The following NUP155 variants were observed in gnomAD, a reference collection of about 807,000 sequenced individuals.
The protein encoded by NUP155 is nuclear pore complex protein Nup155.
In NUP155, 71 loss-of-function variants were observed where a neutral mutation model predicts 180.4. That is an observed-to-expected ratio of 0.39 (90% confidence interval 0.33 to 0.48). NUP155 has a LOEUF of 0.48. Among genes scored for constraint, NUP155 ranks in the 20% least tolerant of loss-of-function variants. The pLI, the probability that NUP155 is intolerant of heterozygous loss-of-function variation, is 0.91. For synonymous variants in NUP155, 582 were observed against 559.5 expected, an observed-to-expected ratio of 1.04 and a Z score of -0.57; for missense variants, 1,553 against 1,648.9, an observed-to-expected ratio of 0.94 and a Z score of 1.01.
intron 25 of NUP155, 74 bp downstream of exon 25, chr5:37,307,216 TAAAACAA>T (rs1415579689): frequency 1.3e-5 from 16 of 1,234,272 alleles, no homozygotes; most frequent in South Asian, 8.2e-5. Context: ...AAAAAAAACA[TAAAACAA>T]AAAACAAAAA....
chr5:37,298,723 G>C, intron 32 of NUP155, 145 bp downstream of exon 32: 1 of 652,506 alleles, frequency 1.5e-6, no homozygotes. Context: ...TTCTTTGGAA[G>C]TCTTTCCGGA....
At chr5:37,299,594 C>A in intron 30 of NUP155, 26 bp from the exon 31 acceptor site, 1 of 1,612,062 alleles carries the variant, frequency 6.2e-7, no homozygotes, top group Non-Finnish European at 8.5e-7. Flanking sequence ...CCAAAATTAA[C>A]ATCCAACTAG....
rs542290026 is a variant in NUP155, at chr5:37,315,656, T to C, written c.2306-1328A>G. ...TTGCTACTAGAAGTATAAAATGCTG[T>C]GGCTGGCCAGGCGCAGTGGCTCACG... is the stretch of plus-strand genomic sequence containing the variant. On this transcript the variant is annotated intron_variant, in intron 21 of 34. Coordinates refer to ENST00000231498, the MANE Select transcript of NUP155 (RefSeq NM_153485.3). Among the ~76,000 whole-genome samples, 473 of 152,246 alleles carry C rather than the reference T, an allele frequency of 3.1e-3. 2 individuals carry two copies. The highest frequency in any genetic ancestry group is 5.2e-3 in the Non-Finnish European group (354 of 68,002).
chr5:37,334,984 C>G (rs1386046299), intron 12 of NUP155, among the ~76,000 whole-genome samples: 1 of 151,822 alleles, frequency 6.6e-6, no homozygotes, highest in South Asian at 2.1e-4. Context: ...GTGGTGAAAC[C>G]CTGTCTCTAC....
In NUP155 at chr5:37,298,996, G is replaced by A. The variant is rs1202540041; in HGVS notation, c.3683-18C>T. ...ACTCAATTCTGTAACAAAAAGACAT[G>A]TCATTTGAAACCCAAATTACTTTTA... is the stretch of plus-strand genomic sequence containing the variant. On this transcript the variant is annotated intron_variant, in intron 31 of 34. Transcript: ENST00000231498. 1 of 1,430,238 alleles carries A rather than the reference G, an allele frequency of 7.0e-7. No individual in the cohort carries two copies. Among genetic ancestry groups the A allele is most frequent in the Non-Finnish European group, 9.9e-7 (1 of 1,012,978 alleles). 88.6% of individuals were successfully genotyped at this position (1,430,238 alleles called of 1,614,324 possible).
At position 37,313,504 on chromosome 5, in the gene NUP155, T is replaced by TGTGTGA. The variant is rs530096354; in HGVS notation, c.2436+693_2436+694insTCACAC. On this transcript the variant is annotated intron_variant, in intron 22 of 34. Transcript: ENST00000231498. ...GTGTGTGTGTGTGTGTGTGTGTGTG[T>TGTGTGA]GAGAGAGACAGAGAGAGACAGGGTC... 1.2e-3 allele frequency among the ~76,000 whole-genome samples: 155 copies of TGTGTGA among 129,216 alleles called. 2 individuals carry two copies. Among genetic ancestry groups the TGTGTGA allele is most frequent in the African/African-American group, 4.4e-3 (152 of 34,548 alleles). The allele number at this position is 129,216 out of a possible 152,430, so 84.8% of individuals were successfully genotyped here. A position where few individuals can be genotyped will look rare whatever the true frequency, so the allele number is the denominator to read the frequency against.
intron 9 of NUP155, among the ~76,000 whole-genome samples, chr5:37,348,047 T>C (rs925658671): frequency 6.6e-6 from 1 of 152,096 alleles, no homozygotes; most frequent in Non-Finnish European, 1.5e-5. Context: ...GGCAGGAGAA[T>C]CGCTTGAACG....
intron 6 of NUP155, 58 bp from the exon 7 acceptor site, chr5:37,350,323 T>A: frequency 9.5e-7 from 1 of 1,055,378 alleles, no homozygotes; most frequent in Non-Finnish European, 1.5e-6. Flanking sequence ...TTACAATAAC[T>A]ACTGTATATC....
intron 3 of NUP155, among the ~76,000 whole-genome samples, 192 bp from the exon 4 acceptor site, chr5:37,358,343 G>A (rs1746981079): frequency 6.6e-6 from 1 of 152,098 alleles, no homozygotes; most frequent in African/African-American, 2.4e-5. Flanking sequence ...AGCCAGGCAT[G>A]GGGGTGTGAG....
At chr5:37,353,218 A>G (rs1285222390) in intron 4 of NUP155, among the ~76,000 whole-genome samples, 1 of 152,088 alleles carries the variant, frequency 6.6e-6, no homozygotes, top group Non-Finnish European at 1.5e-5. Context: ...ACAAAATCCA[A>G]GTGTCCATCG....
chr5:37,309,420 G>A (rs1480942462), intron 23 of NUP155, 153 bp from the exon 24 acceptor site: 1 of 685,862 alleles, frequency 1.5e-6, no homozygotes, highest in Non-Finnish European at 2.4e-6. Flanking sequence ...ATTTTAGGCA[G>A]AAAAGTTTTT....
chr5:37,354,104 CTT>C lies in NUP155; in HGVS notation c.464-1277_464-1276del, dbSNP rs35756175. 9.8e-3 allele frequency among the ~76,000 whole-genome samples: 1,490 copies of C among 152,282 alleles called. 26 individuals carry two copies. The highest frequency in any genetic ancestry group is 0.034 in the African/African-American group (1,406 of 41,550). On this transcript the variant is annotated intron_variant, in intron 4 of 34. Transcript: ENST00000231498. ...AATAGTATATAGCAATATTTATACA[CTT>C]AATGCATCTCTTTTAGATTCTATGT...
chr5:37,358,483 G>A (rs1746990031), intron 3 of NUP155, among the ~76,000 whole-genome samples: 1 of 151,934 alleles, frequency 6.6e-6, no homozygotes, highest in South Asian at 2.1e-4. Flanking sequence ...AAGAAAAACA[G>A]AAAACCAAGT....
In NUP155 at chr5:37,370,334, T is replaced by G. The variant is rs562732454; in HGVS notation, c.157+487A>C. Among the ~76,000 whole-genome samples, 13 of 152,346 alleles carry G rather than the reference T, an allele frequency of 8.5e-5. No individual in the cohort carries two copies. In the East Asian group the frequency reaches 2.3e-3, roughly 27 times the overall value. On this transcript the variant is annotated intron_variant, in intron 1 of 34. Coordinates refer to ENST00000231498, the MANE Select transcript of NUP155 (RefSeq NM_153485.3). Reference sequence around the variant, plus strand: ...TTGCAATGAGCCGAGATCGCGCCATTGCACTTCAGCCTGGGCGAAGAGGGA... The same window carrying G: ...TTGCAATGAGCCGAGATCGCGCCATGGCACTTCAGCCTGGGCGAAGAGGGA...
At chr5:37,357,975 G>T in intron 4 of NUP155, 106 bp downstream of exon 4, 1 of 787,448 alleles carries the variant, frequency 1.3e-6, no homozygotes. Context: ...CCTACTCGAT[G>T]GAACGAGACT....
At chr5:37,357,764 C>T (rs367704464) in intron 4 of NUP155, among the ~76,000 whole-genome samples, 26 of 152,168 alleles carry the variant, frequency 1.7e-4, no homozygotes, top group East Asian at 3.9e-4. Context: ...GAGGCTGAGG[C>T]GGGCGGATCA....
Position 37,304,850 on chromosome 5 carries a change from TAAAGA to T in NUP155, c.3058-12_3058-8del. 1 of 1,610,722 alleles carries T rather than the reference TAAAGA, an allele frequency of 6.2e-7. No homozygotes were observed. Among genetic ancestry groups the T allele is most frequent in the Non-Finnish European group, 8.5e-7 (1 of 1,177,072 alleles). ...ATTTAAGCATTTGTTCAAACTAAAA[TAAAGA>T]AAATAGTAAAAATTAGCAGTTAAAG... is the stretch of plus-strand genomic sequence containing the variant. On this transcript the variant is annotated splice_region_variant and splice_polypyrimidine_tract_variant and intron_variant, in intron 26 of 34. Coordinates refer to ENST00000231498, the MANE Select transcript of NUP155 (RefSeq NM_153485.3).
Position 37,352,827 on chromosome 5 carries a change from T to C in NUP155, c.466A>G (p.Ile156Val), listed in dbSNP as rs139129279. ...AVGLVKPKAG[I>V]FQPHVRHLLV... ...AGGTGTCGCACATGAGGTTGAAAGA[T>C]GCCTAAGATAAAGTAGACACAGGGC... is the stretch of plus-strand genomic sequence containing the variant. Residue 156 changes from isoleucine (I) to valine (V), a missense_variant and splice_region_variant, in exon 5 of 35, where the codon ATC becomes GTC. Ile to Val is a conservative substitution (Grantham distance 29). Coordinates refer to ENST00000231498, the MANE Select transcript of NUP155 (RefSeq NM_153485.3). 80 of 1,610,674 alleles carry C rather than the reference T, an allele frequency of 5.0e-5. No individual in the cohort carries two copies. Among genetic ancestry groups the C allele is most frequent in the African/African-American group, 8.0e-5 (6 of 74,844 alleles).
intron 19 of NUP155, among the ~76,000 whole-genome samples, chr5:37,324,663 C>T (rs1159028580): frequency 2.0e-5 from 3 of 152,066 alleles, no homozygotes; most frequent in African/African-American, 7.3e-5. Context: ...AAGTGACCCT[C>T]CTTCCCAATT....
Sources: allele counts gnomAD v4.1 joint callset (sites outside exome capture counted in the v4.1 genomes callset), GRCh38; gene constraint gnomAD v4.1.1; transcripts MANE v1.5; gene names NCBI Gene and HGNC (gene_info 2026-07-23, HGNC 2026-07-21).